COL6A6: variants seen among roughly 807,000 people sequenced by gnomAD.
COL6A6 encodes collagen type VI alpha 6 chain.
COL6A6 carries 183 observed loss-of-function variants against 208.6 expected under a neutral mutation model. That is an observed-to-expected ratio of 0.88 (90% confidence interval 0.78 to 0.99). The LOEUF is 0.99. Ranked by LOEUF, COL6A6 falls within the 50% of genes least tolerant of loss-of-function variation. The probability of loss-of-function intolerance (pLI) is 0.00; values close to 1 mark genes in which losing one functional copy is unlikely to be tolerated. For synonymous variants in COL6A6, 973 were observed against 1,011.8 expected, an observed-to-expected ratio of 0.96 and a Z score of 0.73; for missense variants, 2,816 against 2,815.2, an observed-to-expected ratio of 1.00 and a Z score of -0.01.
chr3:130,592,552 A>C lies in COL6A6; in HGVS notation c.4284A>C (p.Gly1428=). The C allele has an allele frequency of 6.2e-7, 1 of 1,604,372 alleles. No individual in the cohort carries two copies. The highest frequency in any genetic ancestry group is 1.3e-5 in the African/African-American group (1 of 74,892). The change falls in exon 14 of 37, where the codon GGA becomes GGC. Residue 1428 remains glycine (G), a synonymous_variant. Coordinates refer to ENST00000358511, the MANE Select transcript of COL6A6 (RefSeq NM_001102608.3). ...GTGCCCTTTCTCAGGGAGAAAGAGG[A>C]GCCCCTGGACCAGTGGGAGAGCAAG... The part of the protein sequence containing the change: ...LGEEGIAGER[G]APGPVGEQGT...
At chr3:130,673,260 CAT>C (rs2066276175) in intron 36 of COL6A6, among the ~76,000 whole-genome samples, 1 of 137,460 alleles carries the variant, frequency 7.3e-6, no homozygotes, top group Admixed American at 7.1e-5. Flanking sequence ...CTACATATAA[CAT>C]AGTGAAAAAC....
intron 36 of COL6A6, among the ~76,000 whole-genome samples, chr3:130,667,748 C>G (rs138777838): frequency 2.0e-5 from 3 of 151,522 alleles, no homozygotes; most frequent in South Asian, 2.1e-4. Context: ...AAAAATGAAG[C>G]CTTGGACTTT....
chr3:130,635,842 G>A lies in COL6A6; in HGVS notation c.5091+81G>A. The A allele has an allele frequency of 4.7e-6, 5 of 1,074,766 alleles. No individual in the cohort carries two copies. The South Asian group carries it at 7.2e-5, about 15-fold the overall frequency. The allele number at this position is 1,074,766 out of a possible 1,614,324, so 66.6% of individuals were successfully genotyped here. A position where few individuals can be genotyped will look rare whatever the true frequency, so the allele number is the denominator to read the frequency against. ...TTGTGCATTTACAATAATTTGAGTT[G>A]TCTTTTGTTACCAGTGACTTGCAAA... On this transcript the variant is annotated intron_variant, in intron 28 of 36. Transcript: ENST00000358511.
At chr3:130,543,822 A>G (rs1457552768) in intron 1 of COL6A6, among the ~76,000 whole-genome samples, 3 of 152,108 alleles carry the variant, frequency 2.0e-5, no homozygotes, top group African/African-American at 7.3e-5. Flanking sequence ...AGTTTCTGAC[A>G]TACATAATTT....
At chr3:130,529,461 C>A (rs920859889) in intron 1 of COL6A6, among the ~76,000 whole-genome samples, 3 of 152,062 alleles carry the variant, frequency 2.0e-5, no homozygotes, top group African/African-American at 7.2e-5. Context: ...ATGTATTGTG[C>A]AGATTGTATG....
chr3:130,657,063 C>T (rs191809756), intron 33 of COL6A6, among the ~76,000 whole-genome samples: 2 of 152,346 alleles, frequency 1.3e-5, no homozygotes, highest in Admixed American at 1.3e-4. Context: ...AGGGCAGGGC[C>T]CCTGCCTACT....
At chr3:130,614,750 G>A (rs927484774) in intron 23 of COL6A6, among the ~76,000 whole-genome samples, 6 of 152,076 alleles carry the variant, frequency 3.9e-5, no homozygotes, top group Non-Finnish European at 8.8e-5. Flanking sequence ...GGTTGTTTGT[G>A]TCCAGGAATT....
intron 35 of COL6A6, among the ~76,000 whole-genome samples, chr3:130,664,338 C>T (rs951174514): frequency 3.9e-4 from 60 of 152,338 alleles, no homozygotes; most frequent in African/African-American, 1.4e-3. Flanking sequence ...AGTGTTGGGT[C>T]ACGGTCCAGG....
chr3:130,649,453 C>T lies in COL6A6; in HGVS notation c.5624C>T (p.Ser1875Phe), dbSNP rs780490051. 43 of 1,612,308 alleles carry T rather than the reference C, an allele frequency of 2.7e-5. No individual in the cohort carries two copies. The highest frequency in any genetic ancestry group is 3.4e-5 in the Non-Finnish European group (40 of 1,179,294). Residue 1875 changes from serine (S) to phenylalanine (F), a missense_variant, in exon 33 of 37, where the codon TCC becomes TTC. Coordinates refer to ENST00000358511, the MANE Select transcript of COL6A6 (RefSeq NM_001102608.3). ...GCCACATTTTTCAGCAGCGGTCAGT[C>T]CGCGGATGCCCACTCCATCACCACG... ...KIATFFSSGQ[S>F]ADAHSITTAA...
At chr3:130,587,704 G>A (rs1295323447) in intron 11 of COL6A6, among the ~76,000 whole-genome samples, 1 of 152,184 alleles carries the variant, frequency 6.6e-6, no homozygotes, top group Non-Finnish European at 1.5e-5. Context: ...ACTTTCCAAG[G>A]AAGTGCTAGC....
rs150726143 is a variant in COL6A6, at chr3:130,542,072, G to T, written c.-31-18262G>T. ...TTTTTCTTAGTTAGCCTGGCTAAAG[G>T]CTTATCAATTTTATTGTTTTTTTTT... On this transcript the variant is annotated intron_variant, in intron 1 of 36. Coordinates refer to ENST00000358511, the MANE Select transcript of COL6A6 (RefSeq NM_001102608.3). Among the ~76,000 whole-genome samples, 385 of 150,962 alleles carry T rather than the reference G, an allele frequency of 2.6e-3. 3 individuals are homozygous for T. The highest frequency in any genetic ancestry group is 8.9e-3 in the African/African-American group (365 of 41,218).
chr3:130,571,537 A>C, intron 7 of COL6A6, 144 bp downstream of exon 7: 1 of 599,592 alleles, frequency 1.7e-6, no homozygotes, highest in South Asian at 2.6e-5. Context: ...ATATTATAAA[A>C]TCTGAGGGTT....
At chr3:130,660,881 C>G (rs1376869940) in intron 34 of COL6A6, among the ~76,000 whole-genome samples, 1 of 152,184 alleles carries the variant, frequency 6.6e-6, no homozygotes, top group Admixed American at 6.5e-5. Flanking sequence ...GCCACAGTCT[C>G]TTCTGTAAAA....
chr3:130,623,440 CAGAGTA>C (rs2064795841), intron 24 of COL6A6, among the ~76,000 whole-genome samples: 1 of 152,160 alleles, frequency 6.6e-6, no homozygotes, highest in Admixed American at 6.5e-5. Context: ...GCCTGGGTGA[CAGAGTA>C]AGACTCCATC....
chr3:130,560,863 T>G (rs550848285), intron 2 of COL6A6, among the ~76,000 whole-genome samples: 2 of 152,348 alleles, frequency 1.3e-5, no homozygotes, highest in East Asian at 3.9e-4. Flanking sequence ...AGAGAAAGCT[T>G]CATAGCACTG....
At chr3:130,612,479 A>G (rs2064388657) in intron 23 of COL6A6, among the ~76,000 whole-genome samples, 1 of 152,148 alleles carries the variant, frequency 6.6e-6, no homozygotes, top group Non-Finnish European at 1.5e-5. Flanking sequence ...TTCTGACTGT[A>G]TCTCACTGTG....
chr3:130,666,008 CAGAT>C (rs1460301126), intron 36 of COL6A6, among the ~76,000 whole-genome samples: 1 of 152,084 alleles, frequency 6.6e-6, no homozygotes, highest in African/African-American at 2.4e-5. Flanking sequence ...TGGTGGACCT[CAGAT>C]AGGATGTTTA....
At chr3:130,539,355 G>A (rs1414188808) in intron 1 of COL6A6, among the ~76,000 whole-genome samples, 3 of 152,208 alleles carry the variant, frequency 2.0e-5, no homozygotes, top group South Asian at 4.1e-4. Context: ...TTATTTCTGG[G>A]CTGGGCGCGG....
At chr3:130,627,256 TGAA>T in intron 25 of COL6A6, 60 bp from the exon 26 acceptor site, 1 of 1,494,544 alleles carries the variant, frequency 6.7e-7, no homozygotes, top group Non-Finnish European at 9.3e-7. Context: ...GTTGTCCTCT[TGAA>T]GAATAAGCCT....
Sources: gnomAD v4.1 joint callset for allele counts (sites outside exome capture counted in the v4.1 genomes callset) on GRCh38, gnomAD v4.1.1 for gene constraint, MANE v1.5 for transcripts, NCBI Gene and HGNC (gene_info 2026-07-23, HGNC 2026-07-21) for gene names.